Variants in RASEF observed in about 807,000 individuals in gnomAD.
RASEF encodes RAS and EF-hand domain containing.
RASEF carries 68 observed loss-of-function variants against 90.1 expected under a neutral mutation model. The ratio of observed to expected loss-of-function variants is 0.75; its 90% CI spans 0.62 to 0.92. The LOEUF (loss-of-function observed/expected upper bound fraction) is 0.92, where lower values mean the gene tolerates loss of function less well. Among genes scored for constraint, RASEF ranks in the 40% least tolerant of loss-of-function variants. The pLI is 0.00. For synonymous variants in RASEF, 331 were observed against 345.2 expected, an observed-to-expected ratio of 0.96 and a Z score of 0.46; for missense variants, 949 against 937.2, an observed-to-expected ratio of 1.01 and a Z score of -0.16.
chr9:83,095,548 T>C, the RASEF span, among the ~76,000 whole-genome samples: 3 of 151,076 alleles, frequency 2.0e-5, no homozygotes, highest in Non-Finnish European at 4.4e-5. Flanking sequence ...CAGAAATTGC[T>C]TAAGTAAACA....
At chr9:83,163,764 CAGA>C in the RASEF span, among the ~76,000 whole-genome samples, 1 of 151,392 alleles carries the variant, frequency 6.6e-6, no homozygotes, top group Non-Finnish European at 1.5e-5. Context: ...AAGGGAATAC[CAGA>C]AGGAGAAGAA....
At chr9:83,105,119 C>A in the RASEF span, among the ~76,000 whole-genome samples, 1 of 152,174 alleles carries the variant, frequency 6.6e-6, no homozygotes, top group Non-Finnish European at 1.5e-5. Context: ...ATGTAGCCTA[C>A]TCAAGCCTGG....
the RASEF span, among the ~76,000 whole-genome samples, chr9:83,083,387 T>C: frequency 6.6e-6 from 1 of 152,186 alleles, no homozygotes; most frequent in African/African-American, 2.4e-5. Flanking sequence ...CATTCGACCA[T>C]ATTCTATCAT....
At chr9:83,047,199 AAGGAC>A (rs1234510435) in intron 1 of RASEF, among the ~76,000 whole-genome samples, 1 of 152,202 alleles carries the variant, frequency 6.6e-6, no homozygotes, top group Non-Finnish European at 1.5e-5. Flanking sequence ...AATGGAAGAC[AAGGAC>A]AGATACATGT....
chr9:83,027,583 ATTTAAAATCT>A (rs1829570884), intron 1 of RASEF, among the ~76,000 whole-genome samples: 1 of 152,214 alleles, frequency 6.6e-6, no homozygotes, highest in Non-Finnish European at 1.5e-5. Flanking sequence ...CATAGTTATT[ATTTAAAATCT>A]TTTACTAAAA....
At chr9:83,041,361 TTACC>T (rs1157608316) in intron 1 of RASEF, among the ~76,000 whole-genome samples, 1 of 152,230 alleles carries the variant, frequency 6.6e-6, no homozygotes, top group Non-Finnish European at 1.5e-5. Flanking sequence ...TCACTGATTT[TTACC>T]TACCTACCTT....
At chr9:83,200,104 GGC>G in the RASEF span, among the ~76,000 whole-genome samples, 1 of 152,166 alleles carries the variant, frequency 6.6e-6, no homozygotes, top group Non-Finnish European at 1.5e-5. Context: ...CTAAAGGCCG[GGC>G]GCGGTGGCTC....
Position 82,994,485 on chromosome 9 carries a change from A to G in RASEF, c.1921-1460T>C, listed in dbSNP as rs7847848. 7.1e-3 allele frequency among the ~76,000 whole-genome samples: 1,081 copies of G among 152,234 alleles called. 13 individuals are homozygous for G. The highest frequency in any genetic ancestry group is 0.025 in the African/African-American group (1,025 of 41,548). On this transcript the variant is annotated intron_variant, in intron 14 of 16. Coordinates refer to ENST00000376447, the MANE Select transcript of RASEF (RefSeq NM_152573.4). ...TTTAACCTGCTCTCGTTTTGTTTGT[A>G]TAACATTATCACCTTCTACCATATC...
the RASEF span, among the ~76,000 whole-genome samples, chr9:83,150,952 A>G: frequency 6.6e-6 from 1 of 152,210 alleles, no homozygotes; most frequent in African/African-American, 2.4e-5. Flanking sequence ...GTCAGCCACT[A>G]TGTAACTGGG....
At chr9:83,187,231 G>A in the RASEF span, among the ~76,000 whole-genome samples, 1 of 152,006 alleles carries the variant, frequency 6.6e-6, no homozygotes, top group Non-Finnish European at 1.5e-5. Flanking sequence ...ATGTAGTCCT[G>A]TCTGGCGTGC....
chr9:83,217,345 G>A, the RASEF span, among the ~76,000 whole-genome samples: 1 of 152,162 alleles, frequency 6.6e-6, no homozygotes, highest in African/African-American at 2.4e-5. Flanking sequence ...AGACTGTTGG[G>A]AAGGCATGAT....
At chr9:83,147,028 G>GTATATATATATATA in the RASEF span, among the ~76,000 whole-genome samples, 96 of 31,294 alleles carry the variant, frequency 3.1e-3, no homozygotes, top group African/African-American at 9.9e-3. Context: ...GTGTGTGTGT[G>GTATATATATATATA]TATATATATA....
the RASEF span, among the ~76,000 whole-genome samples, chr9:83,123,467 C>A: frequency 5.1e-3 from 780 of 152,252 alleles, 8 homozygotes; most frequent in African/African-American, 0.018. Context: ...TTGAATTGCC[C>A]ATGCCTCATA....
intron 1 of RASEF, among the ~76,000 whole-genome samples, chr9:83,033,324 A>G (rs1829679081): frequency 6.6e-6 from 1 of 152,218 alleles, no homozygotes; most frequent in African/African-American, 2.4e-5. Flanking sequence ...ACTGACTATG[A>G]CTGAAAAGTT....
the RASEF span, among the ~76,000 whole-genome samples, chr9:83,159,566 G>C: frequency 4.6e-5 from 7 of 152,124 alleles, no homozygotes; most frequent in Non-Finnish European, 8.8e-5. Context: ...TTTTCTAATT[G>C]TGTTTGAAAT....
the RASEF span, among the ~76,000 whole-genome samples, chr9:83,164,347 G>GTGTGTGTATATATATATATA: frequency 6.2e-5 from 8 of 129,982 alleles, no homozygotes; most frequent in African/African-American, 1.4e-4. Context: ...GTATATGTGT[G>GTGTGTGTATATATATATATA]TATATATATA....
At chr9:83,126,602 G>A in the RASEF span, among the ~76,000 whole-genome samples, 1 of 152,056 alleles carries the variant, frequency 6.6e-6, no homozygotes, top group Non-Finnish European at 1.5e-5. Context: ...ACTGCTTCAG[G>A]CAGTAAAGAT....
the RASEF span, among the ~76,000 whole-genome samples, chr9:83,109,959 A>G: frequency 2.0e-5 from 3 of 152,088 alleles, no homozygotes; most frequent in Non-Finnish European, 4.4e-5. Context: ...CCATTTTCCA[A>G]TTTTTGTATC....
the RASEF span, among the ~76,000 whole-genome samples, chr9:83,146,332 CTTAA>C: frequency 8.7e-3 from 1,327 of 152,080 alleles, 25 homozygotes; most frequent in African/African-American, 0.031. Flanking sequence ...AAGTGTGATT[CTTAA>C]TTAAACTTTT....
Sources: allele counts gnomAD v4.1 joint callset (sites outside exome capture counted in the v4.1 genomes callset), GRCh38; gene constraint gnomAD v4.1.1; transcripts MANE v1.5; gene names NCBI Gene and HGNC (gene_info 2026-07-23, HGNC 2026-07-21).